The following NT5DC4 variants were observed in gnomAD, a reference collection of about 807,000 sequenced individuals.
NT5DC4 encodes the protein 5'-nucleotidase domain containing 4.
Under a neutral mutation model 26.6 loss-of-function variants are expected in NT5DC4, and 44 were observed. That is an observed-to-expected ratio of 1.65 (90% confidence interval 1.30 to 2.13). The LOEUF (loss-of-function observed/expected upper bound fraction) is 2.13. Among genes scored for constraint, NT5DC4 ranks in the 30% most tolerant of loss-of-function variants. The probability of loss-of-function intolerance (pLI) is 0.00; values close to 1 mark genes in which losing one functional copy is unlikely to be tolerated. For synonymous variants in NT5DC4, 157 were observed against 86.7 expected, an observed-to-expected ratio of 1.81 and a Z score of -4.51; for missense variants, 399 against 228.1, an observed-to-expected ratio of 1.75 and a Z score of -4.83.
chr2:112,722,389 C>T (rs146139372), intron 4 of NT5DC4, 94 bp from the exon 5 acceptor site: 10,325 of 712,400 alleles, frequency 0.014, 119 homozygotes, highest in Middle Eastern at 0.036. Context: ...GGTGGAGGCT[C>T]AGCACAGAAG....
At chr2:112,735,012 G>T (rs1433997815) in intron 16 of NT5DC4, among the ~76,000 whole-genome samples, 1 of 149,480 alleles carries the variant, frequency 6.7e-6, no homozygotes, top group Non-Finnish European at 1.5e-5. Flanking sequence ...ATTGGAAAAG[G>T]GAGTACATGC....
intron 16 of NT5DC4, among the ~76,000 whole-genome samples, chr2:112,732,204 C>G (rs950705744): frequency 3.4e-5 from 4 of 116,522 alleles, no homozygotes; most frequent in African/African-American, 1.6e-4. Context: ...AGCCACCGAG[C>G]CTGGCATTTT....
chr2:112,723,870 C>T (rs1030128207), intron 9 of NT5DC4, 68 bp downstream of exon 9: 26 of 666,972 alleles, frequency 3.9e-5, no homozygotes, highest in Middle Eastern at 2.4e-4. Flanking sequence ...AGTGGCACTG[C>T]AAGCAACAGG....
At chr2:112,726,090 G>A in intron 13 of NT5DC4, 148 bp from the exon 14 acceptor site, 1 of 648,702 alleles carries the variant, frequency 1.5e-6, no homozygotes. Flanking sequence ...TCTGGGCAGA[G>A]TCTCACGTGA....
upstream of NT5DC4, among the ~76,000 whole-genome samples, chr2:112,720,940 G>A (rs1676812727): frequency 6.6e-6 from 1 of 152,228 alleles, no homozygotes; most frequent in East Asian, 1.9e-4. Flanking sequence ...AGGGGCTCGG[G>A]GGAGATGGGA....
At chr2:112,731,428 A>G (rs1029807655) in intron 16 of NT5DC4, 1 of 152,180 alleles carries the variant, frequency 6.6e-6, no homozygotes, top group Non-Finnish European at 1.5e-5. Context: ...CTTTTAAAAA[A>G]TAGTTATTTC....
intron 16 of NT5DC4, among the ~76,000 whole-genome samples, chr2:112,735,423 T>C (rs528175109): frequency 6.6e-6 from 1 of 152,304 alleles, no homozygotes; most frequent in South Asian, 2.1e-4. Flanking sequence ...TGAACCATCA[T>C]GCCTCTCCTC....
downstream of NT5DC4, among the ~76,000 whole-genome samples, chr2:112,741,791 G>A (rs181470856): frequency 3.3e-5 from 5 of 151,614 alleles, no homozygotes; most frequent in East Asian, 9.7e-4. Flanking sequence ...ATGGAGTTTC[G>A]CTCTTGTTGT....
intron 16 of NT5DC4, among the ~76,000 whole-genome samples, chr2:112,732,988 T>A (rs1435264781): frequency 6.6e-6 from 1 of 152,220 alleles, no homozygotes; most frequent in African/African-American, 2.4e-5. Flanking sequence ...CACCGTTGTG[T>A]CTCTGGCATC....
chr2:112,735,211 C>T (rs960110893), intron 16 of NT5DC4, among the ~76,000 whole-genome samples: 2 of 150,312 alleles, frequency 1.3e-5, no homozygotes, highest in East Asian at 2.0e-4. Flanking sequence ...GCCTGGATAA[C>T]GCCTGTATTT....
At chr2:112,739,917 G>C (rs1679767711), downstream of NT5DC4, among the ~76,000 whole-genome samples, 1 of 151,808 alleles carries the variant, frequency 6.6e-6, no homozygotes, top group South Asian at 2.1e-4. Context: ...GCCTACCAAA[G>C]TGACAGGATT....
At chr2:112,723,689 C>A in intron 8 of NT5DC4, 30 bp from the exon 9 acceptor site, 1 of 714,612 alleles carries the variant, frequency 1.4e-6, no homozygotes. Flanking sequence ...GGGAGTCCCA[C>A]CCCTGCAAGT....
chr2:112,734,169 A>ATGTGTG (rs59851361), intron 16 of NT5DC4, among the ~76,000 whole-genome samples: 155 of 134,860 alleles, frequency 1.1e-3, no homozygotes, highest in African/African-American at 2.7e-3. Flanking sequence ...TATTATATAT[A>ATGTGTG]TGTGTGTGTG....
At chr2:112,733,510 G>A (rs1016991951) in intron 16 of NT5DC4, among the ~76,000 whole-genome samples, 2 of 152,194 alleles carry the variant, frequency 1.3e-5, no homozygotes, top group Non-Finnish European at 2.9e-5. Context: ...CTTCCAATCC[G>A]TGACCTCAGG....
rs1448766382 is a variant in NT5DC4, at chr2:112,739,013, A to T, written c.*77A>T. On this transcript the variant is annotated 3_prime_UTR_variant, in exon 17 of 17. Transcript: ENST00000688554. ...CGACGAACGCCGTACAGGAGTGATA[A>T]ATTTCATGTCTTGCACTTCCGGCAT... The T allele has an allele frequency of 1.2e-5, 20 of 1,613,998 alleles. No individual in the cohort carries two copies. Among genetic ancestry groups the T allele is most frequent in the Non-Finnish European group, 1.7e-5 (20 of 1,179,992 alleles).
rs1574230818 is a variant in NT5DC4 at position 112,722,465 on chromosome 2, G to T, written c.363-18G>T. ...GGCCTCCAGGAGGCACTGGGGAGGG[G>T]TCATTGGCTGCACCCAGCCTACCCC... On this transcript the variant is annotated intron_variant, in intron 4 of 16. Coordinates refer to ENST00000688554, the MANE Select transcript of NT5DC4 (RefSeq NM_001393655.1). 1.4e-6 allele frequency: 1 copy of T among 717,144 alleles called. No individual in the cohort carries two copies. Among genetic ancestry groups the T allele is most frequent in the East Asian group, 2.7e-5 (1 of 37,266 alleles). The allele number at this position is 717,144 out of a possible 1,614,324, so 44.4% of individuals were successfully genotyped here.
At chr2:112,734,181 G>A (rs1022451266) in intron 16 of NT5DC4, among the ~76,000 whole-genome samples, 2 of 151,714 alleles carry the variant, frequency 1.3e-5, no homozygotes, top group East Asian at 1.9e-4. Context: ...GTGTGTGTGT[G>A]TGTGTGTGTG....
In NT5DC4 at chr2:112,721,034, G is replaced by A. The variant is rs1225137953; in HGVS notation, c.-46G>A. Reference sequence around the variant, plus strand: ...GGCTGGGCCCCACTGATAGTGTGCAGGAGGCTGAGGAAGGGACACTTGCCT... The same window carrying A: ...GGCTGGGCCCCACTGATAGTGTGCAAGAGGCTGAGGAAGGGACACTTGCCT... On this transcript the variant is annotated 5_prime_UTR_variant, in exon 1 of 17. Transcript: ENST00000688554. Among the ~76,000 whole-genome samples the A allele has an allele frequency of 6.6e-6, 1 of 152,184 alleles. No homozygotes were observed. The highest frequency in any genetic ancestry group is 1.5e-5 in the Non-Finnish European group (1 of 68,040).
At chr2:112,724,244 TGA>T in intron 10 of NT5DC4, 118 bp downstream of exon 10, 1 of 696,114 alleles carries the variant, frequency 1.4e-6, no homozygotes, top group East Asian at 2.7e-5. Flanking sequence ...GAGGAAGACC[TGA>T]GTGTGTGAGT....
Sources: allele counts gnomAD v4.1 joint callset (sites outside exome capture counted in the v4.1 genomes callset), GRCh38; gene constraint gnomAD v4.1.1; transcripts MANE v1.5; gene names NCBI Gene and HGNC (gene_info 2026-07-23, HGNC 2026-07-21).